CACNA1C: variants seen among roughly 807,000 people sequenced by gnomAD.
CACNA1C encodes the protein calcium voltage-gated channel subunit alpha1 C.
Under a neutral mutation model 229.0 loss-of-function variants are expected in CACNA1C, and 30 were observed. The observed-to-expected ratio is 0.13, with a 90% CI of 0.10 to 0.18. CACNA1C has a LOEUF of 0.18. Ranked by LOEUF, CACNA1C falls within the 10% of genes least tolerant of loss-of-function variation. CACNA1C has a pLI of 1.00. For synonymous variants in CACNA1C, 1,114 were observed against 1,132.5 expected (o/e 0.98, Z 0.33); for missense variants, 1,658 against 2,845.0 (o/e 0.58, Z 9.49).
intron 3 of CACNA1C, among the ~76,000 whole-genome samples, chr12:2,301,266 C>T (rs1380859478): frequency 1.3e-5 from 2 of 152,148 alleles, no homozygotes; most frequent in African/African-American, 4.8e-5. Context: ...ATCGGTAGAA[C>T]CCTCTGTCCC....
chr12:2,082,686 G>A (rs1276156369), intron 1 of CACNA1C, among the ~76,000 whole-genome samples: 12 of 152,220 alleles, frequency 7.9e-5, no homozygotes, highest in African/African-American at 2.6e-4. Flanking sequence ...TTTTCTTAAT[G>A]GAGGAATTAT....
At chr12:2,097,509 C>G (rs1247631625) in intron 1 of CACNA1C, among the ~76,000 whole-genome samples, 1 of 152,132 alleles carries the variant, frequency 6.6e-6, no homozygotes, top group Admixed American at 6.5e-5. Flanking sequence ...TTTTACATTC[C>G]CCACCAGCAA....
At position 2,558,942 on chromosome 12, in the gene CACNA1C, TA is replaced by T. The variant is rs530729427; in HGVS notation, c.1508+1977del. ...TACAGAGCAAGAGCTCCAGAAATATTAAAAAAAAAAAATTTCTCTCTCTCAG... is the reference window on the plus strand; with the variant it reads ...TACAGAGCAAGAGCTCCAGAAATATTAAAAAAAAAAATTTCTCTCTCTCAG... On this transcript the variant is annotated intron_variant, in intron 11 of 46. Coordinates refer to ENST00000399655, the MANE Select transcript of CACNA1C (RefSeq NM_000719.7). Among the ~76,000 whole-genome samples the T allele has an allele frequency of 8.4e-3, 1,252 of 148,748 alleles. 9 individuals carry two copies. Among genetic ancestry groups the T allele is most frequent in the Middle Eastern group, 0.028 (8 of 282 alleles).
chr12:2,019,609 G>GAGAAGGA (rs2046072553), intron 1 of CACNA1C, among the ~76,000 whole-genome samples: 2 of 95,504 alleles, frequency 2.1e-5, no homozygotes, highest in African/African-American at 7.2e-5. Context: ...AGGAAAGAAA[G>GAGAAGGA]AAGAAAGAAA....
At chr12:2,441,864 A>G (rs896524462) in intron 3 of CACNA1C, among the ~76,000 whole-genome samples, 1 of 152,158 alleles carries the variant, frequency 6.6e-6, no homozygotes, top group Non-Finnish European at 1.5e-5. Context: ...GACACTCAGC[A>G]TGTGGGATTA....
intron 34 of CACNA1C, among the ~76,000 whole-genome samples, chr12:2,658,575 C>G (rs986298790): frequency 2.6e-5 from 4 of 152,102 alleles, no homozygotes; most frequent in African/African-American, 9.7e-5. Context: ...CGGTTTATGT[C>G]TTTACTGCAC....
At chr12:2,540,303 G>A (rs1042107721) in intron 9 of CACNA1C, among the ~76,000 whole-genome samples, 4 of 152,100 alleles carry the variant, frequency 2.6e-5, no homozygotes, top group African/African-American at 7.2e-5. Context: ...TCTAGGGAGA[G>A]GGTGAAACCA....
At position 2,446,607 on chromosome 12, in the gene CACNA1C, C is replaced by T. The variant is rs114977239; in HGVS notation, c.478-2369C>T. Among the ~76,000 whole-genome samples the T allele has an allele frequency of 5.0e-4, 69 of 136,774 alleles. 1 individual carries two copies. Among genetic ancestry groups the T allele is most frequent in the African/African-American group, 1.8e-3 (64 of 35,916 alleles). The allele number at this position is 136,774 out of a possible 152,430, so 89.7% of individuals were successfully genotyped here. A position where few individuals can be genotyped will look rare whatever the true frequency, so the allele number is the denominator to read the frequency against. On this transcript the variant is annotated intron_variant, in intron 3 of 46. Coordinates refer to ENST00000399655, the MANE Select transcript of CACNA1C (RefSeq NM_000719.7). Reference sequence around the variant, plus strand: ...GATGGATGAATGGGTGGGTGGCTGGCTGGATAGGTGGTGAGTGGGTGGGTA... The same window carrying T: ...GATGGATGAATGGGTGGGTGGCTGGTTGGATAGGTGGTGAGTGGGTGGGTA...
At chr12:2,214,104 C>T (rs567203859) in intron 3 of CACNA1C, among the ~76,000 whole-genome samples, 1 of 152,308 alleles carries the variant, frequency 6.6e-6, no homozygotes, top group South Asian at 2.1e-4. Flanking sequence ...ACATCTGTCC[C>T]TCAAGGGTGC....
chr12:1,992,039 C>A, intron 1 of CACNA1C: 3 of 348,492 alleles, frequency 8.6e-6, no homozygotes, highest in Middle Eastern at 1.0e-3. Context: ...ATAAACAATT[C>A]AAACTGGCAT....
At chr12:2,555,981 A>G (rs2044009842) in intron 10 of CACNA1C, among the ~76,000 whole-genome samples, 1 of 151,598 alleles carries the variant, frequency 6.6e-6, no homozygotes, top group Admixed American at 6.6e-5. Context: ...CCCTTTCTTC[A>G]TCTCTAACTT....
At chr12:2,178,212 G>A (rs1333293272) in intron 3 of CACNA1C, among the ~76,000 whole-genome samples, 5 of 152,174 alleles carry the variant, frequency 3.3e-5, no homozygotes, top group South Asian at 2.1e-4. Context: ...ATGGGTATCC[G>A]TCCTTGGTAG....
chr12:2,002,762 T>TTA (rs906746885), intron 1 of CACNA1C, among the ~76,000 whole-genome samples: 2 of 152,166 alleles, frequency 1.3e-5, no homozygotes, highest in African/African-American at 4.8e-5. Context: ...GATTATAACA[T>TTA]TATACCTTTA....
chr12:2,027,403 A>G (rs934299701), intron 1 of CACNA1C, among the ~76,000 whole-genome samples: 2 of 152,154 alleles, frequency 1.3e-5, no homozygotes, highest in Non-Finnish European at 2.9e-5. Flanking sequence ...TAATGCTTAA[A>G]TGCTTAACAG....
At chr12:2,455,782 C>T (rs1251560493) in intron 4 of CACNA1C, among the ~76,000 whole-genome samples, 3 of 152,100 alleles carry the variant, frequency 2.0e-5, no homozygotes, top group Non-Finnish European at 2.9e-5. Context: ...GTTCACTGAC[C>T]GCTCTCTTCA....
chr12:2,408,721 G>A (rs35407591), intron 3 of CACNA1C, among the ~76,000 whole-genome samples: 54,344 of 152,012 alleles, frequency 0.36, 9,946 homozygotes, highest in Admixed American at 0.48. Context: ...GAAGTCTCCA[G>A]GCCACTTTAT....
chr12:2,152,941 G>C lies in CACNA1C; in HGVS notation c.477+32511G>C, dbSNP rs143242992. Among the ~76,000 whole-genome samples, 8 of 152,258 alleles carry C rather than the reference G, an allele frequency of 5.3e-5. No homozygotes were observed. In the East Asian group the frequency reaches 1.3e-3, roughly 26 times the overall value. On this transcript the variant is annotated intron_variant, in intron 3 of 46. Transcript: ENST00000399655. This position sits in a 1 kb window ranked among gnomAD's most constrained non-coding sequence, Gnocchi z 4.2. The stretch of plus-strand genomic sequence containing the variant: ...CTGGATTCTCCTAGAGATTGGGAAT[G>C]GTGGCAGAAAAATTAAAATTGGGAG...
intron 9 of CACNA1C, among the ~76,000 whole-genome samples, chr12:2,533,195 T>C (rs77117943): frequency 0.019 from 2,887 of 152,210 alleles, 40 homozygotes; most frequent in Non-Finnish European, 0.025. Flanking sequence ...TTTTGCACTT[T>C]TGGTTTGGGG....
intron 3 of CACNA1C, among the ~76,000 whole-genome samples, chr12:2,253,337 T>C (rs2076275605): frequency 6.6e-6 from 1 of 152,264 alleles, no homozygotes; most frequent in Admixed American, 6.5e-5. Flanking sequence ...TGATTTAATC[T>C]GTGTGTCCTA....
Sources: gnomAD v4.1 joint callset for allele counts (sites outside exome capture counted in the v4.1 genomes callset) on GRCh38, gnomAD v4.1.1 for gene constraint, Gnocchi (gnomAD v3.1) non-coding constraint, MANE v1.5 for transcripts, NCBI Gene and HGNC (gene_info 2026-07-23, HGNC 2026-07-21) for gene names.